CDH4: variants seen among roughly 807,000 people sequenced by gnomAD.
CDH4 encodes the protein cadherin-4.
In CDH4, 33 loss-of-function variants were observed where a neutral mutation model predicts 86.0. The observed-to-expected ratio is 0.38, with a 90% CI of 0.29 to 0.51. CDH4 has a LOEUF of 0.51. Among genes scored for constraint, CDH4 ranks in the 20% least tolerant of loss-of-function variants. The pLI is 0.86. For synonymous variants in CDH4, 555 were observed against 549.4 expected (o/e 1.01, Z -0.14); for missense variants, 1,114 against 1,307.4 (o/e 0.85, Z 2.28).
rs1011042417 is a variant in CDH4 at position 61,708,369 on chromosome 20, A to G, written c.170-35194A>G. On this transcript the variant is annotated intron_variant, in intron 2 of 15. Coordinates refer to ENST00000614565, the MANE Select transcript of CDH4 (RefSeq NM_001794.5). The surrounding 1 kb of genome is among the most constrained non-coding windows in gnomAD (Gnocchi z 4.5). ...TGCCTCCTAACTGGGTTGGGGCACCACCCTCCACTCTCCACGTTGGCTGCC... is the reference window on the plus strand; with the variant it reads ...TGCCTCCTAACTGGGTTGGGGCACCGCCCTCCACTCTCCACGTTGGCTGCC... Among the ~76,000 whole-genome samples the G allele has an allele frequency of 6.9e-6, 1 of 144,424 alleles. No individual in the cohort carries two copies. The highest frequency in any genetic ancestry group is 2.6e-5 in the African/African-American group (1 of 38,480). 94.7% of individuals were successfully genotyped at this position (144,424 alleles called of 152,430 possible). A position where few individuals can be genotyped will look rare whatever the true frequency, so the allele number is the denominator to read the frequency against.
intron 8 of CDH4, among the ~76,000 whole-genome samples, chr20:61,895,571 C>T (rs1422545115): frequency 6.6e-6 from 1 of 152,212 alleles, no homozygotes; most frequent in Non-Finnish European, 1.5e-5. Flanking sequence ...CCCTAGTTCA[C>T]AGGGGACCAA....
At chr20:61,836,157 C>T (rs568411393) in intron 4 of CDH4, among the ~76,000 whole-genome samples, 8 of 152,230 alleles carry the variant, frequency 5.3e-5, no homozygotes, top group Non-Finnish European at 1.2e-4. Context: ...GCCTGCCCAT[C>T]GGCTACGGGG....
At chr20:61,882,785 G>A (rs139434690) in intron 7 of CDH4, among the ~76,000 whole-genome samples, 1,616 of 152,304 alleles carry the variant, frequency 0.011, 15 homozygotes, top group Admixed American at 0.021. Flanking sequence ...ATATTCCCGA[G>A]GGTTTCCCGG....
intron 3 of CDH4, among the ~76,000 whole-genome samples, chr20:61,772,498 AAAC>A (rs2088786453): frequency 6.6e-6 from 1 of 152,146 alleles, no homozygotes; most frequent in African/African-American, 2.4e-5. Context: ...TCTTGTTTGG[AAAC>A]AACATTCCAT....
intron 2 of CDH4, among the ~76,000 whole-genome samples, chr20:61,391,063 C>T (rs1202418986): frequency 6.6e-6 from 1 of 152,174 alleles, no homozygotes; most frequent in Non-Finnish European, 1.5e-5. Flanking sequence ...CACACTGCTC[C>T]TGTCTGCTTC....
chr20:61,913,911 C>T (rs1335640652), intron 9 of CDH4, among the ~76,000 whole-genome samples: 1 of 152,198 alleles, frequency 6.6e-6, no homozygotes. Context: ...GTTTGTGCCA[C>T]GTCCCTTCCC....
intron 4 of CDH4, among the ~76,000 whole-genome samples, chr20:61,799,568 CCCA>C (rs1172225796): frequency 6.6e-6 from 1 of 152,144 alleles, no homozygotes; most frequent in Non-Finnish European, 1.5e-5. Flanking sequence ...GCTGCTCTCT[CCCA>C]CGTCTCAGGA....
intron 2 of CDH4, among the ~76,000 whole-genome samples, chr20:61,348,154 T>C (rs746680045): frequency 9.9e-5 from 15 of 152,134 alleles, no homozygotes; most frequent in Non-Finnish European, 1.5e-4. Context: ...GGGTCATTTA[T>C]AAAGGAAAGA....
chr20:61,557,495 A>G (rs561325924), intron 2 of CDH4, among the ~76,000 whole-genome samples: 2 of 152,188 alleles, frequency 1.3e-5, no homozygotes, highest in Non-Finnish European at 2.9e-5. Context: ...AGTAAATTTT[A>G]TGCCCTCCAG....
At chr20:61,825,580 A>G (rs1981270564) in intron 4 of CDH4, among the ~76,000 whole-genome samples, 1 of 152,160 alleles carries the variant, frequency 6.6e-6, no homozygotes, top group Admixed American at 6.5e-5. Flanking sequence ...TTGGAAGGCG[A>G]GACTGTATTT....
At chr20:61,364,210 T>A (rs756670825) in intron 2 of CDH4, among the ~76,000 whole-genome samples, 10 of 151,138 alleles carry the variant, frequency 6.6e-5, no homozygotes, top group Non-Finnish European at 1.2e-4. Context: ...TTTAGGAGGG[T>A]TTTCTGATCC....
intron 2 of CDH4, among the ~76,000 whole-genome samples, chr20:61,275,925 AT>A (rs2084229040): frequency 6.6e-6 from 1 of 152,024 alleles, no homozygotes; most frequent in Non-Finnish European, 1.5e-5. Flanking sequence ...AAGTGATTTG[AT>A]TTTTGATGTA....
At chr20:61,264,538 C>T (rs1312918235) in intron 2 of CDH4, among the ~76,000 whole-genome samples, 3 of 145,842 alleles carry the variant, frequency 2.1e-5, no homozygotes, top group Non-Finnish European at 4.4e-5. Flanking sequence ...CCCAGTGGCT[C>T]CTTCATTCAA....
At chr20:61,611,426 G>C (rs1000092209) in intron 2 of CDH4, among the ~76,000 whole-genome samples, 1 of 152,044 alleles carries the variant, frequency 6.6e-6, no homozygotes, top group Non-Finnish European at 1.5e-5. Flanking sequence ...CAATCCCTGA[G>C]GATCTGCCAT....
intron 2 of CDH4, among the ~76,000 whole-genome samples, chr20:61,640,778 A>G (rs2086998577): frequency 6.6e-6 from 1 of 152,224 alleles, no homozygotes; most frequent in South Asian, 2.1e-4. Context: ...AGCGGAGATT[A>G]ATTAAACATG....
At chr20:61,523,186 C>A (rs911852317) in intron 2 of CDH4, among the ~76,000 whole-genome samples, 2 of 152,346 alleles carry the variant, frequency 1.3e-5, no homozygotes, top group South Asian at 2.1e-4. Context: ...CATGCCAGAA[C>A]GGTGCCTCAG....
intron 2 of CDH4, among the ~76,000 whole-genome samples, chr20:61,256,571 G>T (rs893973515): frequency 6.6e-6 from 1 of 152,208 alleles, no homozygotes; most frequent in Non-Finnish European, 1.5e-5. Flanking sequence ...ATCACTGGCC[G>T]GATGTCGGCC....
intron 6 of CDH4, among the ~76,000 whole-genome samples, chr20:61,868,636 T>A (rs1983656351): frequency 6.6e-6 from 1 of 151,842 alleles, no homozygotes; most frequent in East Asian, 1.9e-4. Context: ...TGTCCCTCCA[T>A]GCTAAGCGGT....
chr20:61,658,332 C>T (rs754426703), intron 2 of CDH4, among the ~76,000 whole-genome samples: 9 of 152,100 alleles, frequency 5.9e-5, no homozygotes, highest in African/African-American at 1.2e-4. Flanking sequence ...TCTGCAACCC[C>T]GAGTCATTGT....
Sources: gnomAD v4.1 joint callset for allele counts (sites outside exome capture counted in the v4.1 genomes callset) on GRCh38, gnomAD v4.1.1 for gene constraint, Gnocchi (gnomAD v3.1) non-coding constraint, MANE v1.5 for transcripts, NCBI Gene and HGNC (gene_info 2026-07-23, HGNC 2026-07-21) for gene names.